RBM47: variants seen among roughly 807,000 people sequenced by gnomAD.
RBM47 encodes the protein RNA-binding protein 47.
In RBM47, 21 loss-of-function variants were observed where a neutral mutation model predicts 47.1. That is an observed-to-expected ratio of 0.45 (90% CI 0.32 to 0.64). The LOEUF is 0.64. Among genes scored for constraint, RBM47 ranks in the 30% least tolerant of loss-of-function variants. The pLI is 0.05. For missense variants in RBM47, 708 were observed against 870.9 expected (o/e 0.81, Z 2.35); for synonymous variants, 375 against 361.7 (o/e 1.04, Z -0.42).
intron 1 of RBM47, among the ~76,000 whole-genome samples, chr4:40,557,496 C>T (rs952572909): frequency 7.2e-5 from 11 of 152,158 alleles, no homozygotes; most frequent in Non-Finnish European, 1.5e-4. Flanking sequence ...TGCCTGTAAT[C>T]CCAGCGCTTT....
chr4:40,431,671 A>AG (rs11373423), intron 6 of RBM47, among the ~76,000 whole-genome samples: 108,184 of 143,198 alleles, frequency 0.76, 40,966 homozygotes, highest in East Asian at 0.89. Flanking sequence ...AAAAAAAAAA[A>AG]AGAGAGAGAA....
At chr4:40,626,185 A>T (rs1253477931) in intron 1 of RBM47, among the ~76,000 whole-genome samples, 1 of 152,230 alleles carries the variant, frequency 6.6e-6, no homozygotes, top group East Asian at 1.9e-4. Flanking sequence ...CAACCAAAAA[A>T]GATGCTCCTG....
At chr4:40,590,406 A>G (rs1326335982) in intron 1 of RBM47, among the ~76,000 whole-genome samples, 2 of 152,068 alleles carry the variant, frequency 1.3e-5, no homozygotes, top group Non-Finnish European at 2.9e-5. Context: ...AAAAAAAACA[A>G]AAAAACCCCA....
In RBM47 at chr4:40,438,219, C is replaced by G. The variant is rs866383554; in HGVS notation, c.675G>C (p.Gln225His). ...MPGRIQLWGH[Q>H]IAVDWAEPEI... ...CAGGTTCGGCCCAGTCCACGGCGAT[C>G]TGGTGGCCCCACAGCTGGATGCGGC... Residue 225 changes from glutamine to histidine, a missense_variant, in exon 4 of 7, where the codon CAG (glutamine) becomes CAC (histidine). By Grantham distance (24) the Gln-to-His change is conservative. Coordinates refer to ENST00000295971, the MANE Select transcript of RBM47 (RefSeq NM_001098634.2). 1.9e-6 allele frequency: 3 copies of G among 1,605,770 alleles called. No individual in the cohort carries two copies. The highest frequency in any genetic ancestry group is 2.5e-6 in the Non-Finnish European group (3 of 1,179,950).
intron 6 of RBM47, among the ~76,000 whole-genome samples, chr4:40,430,518 C>A (rs958008266): frequency 1.3e-5 from 2 of 152,214 alleles, no homozygotes; most frequent in Admixed American, 1.3e-4. Context: ...CATTTACAAC[C>A]AATTCCTCTT....
intron 1 of RBM47, among the ~76,000 whole-genome samples, chr4:40,602,516 C>A (rs181918753): frequency 6.6e-6 from 1 of 151,758 alleles, no homozygotes; most frequent in African/African-American, 2.4e-5. Context: ...GGCATGGTGG[C>A]GCACGCCTGT....
chr4:40,609,025 C>A (rs117907135), intron 1 of RBM47, among the ~76,000 whole-genome samples: 3,830 of 152,084 alleles, frequency 0.025, 137 homozygotes, highest in East Asian at 0.1. Flanking sequence ...TAGAGTTTCA[C>A]TCTTGTCGCC....
intron 1 of RBM47, among the ~76,000 whole-genome samples, chr4:40,572,798 T>G (rs1731856430): frequency 6.6e-6 from 1 of 151,872 alleles, no homozygotes. Context: ...TTCTTCAATT[T>G]TCCTGTGAGC....
At chr4:40,625,307 G>A (rs1310627905) in intron 1 of RBM47, among the ~76,000 whole-genome samples, 1 of 152,120 alleles carries the variant, frequency 6.6e-6, no homozygotes, top group Non-Finnish European at 1.5e-5. Context: ...AAAAAACCCT[G>A]TCCATTTTGT....
At chr4:40,451,494 G>A (rs530143602) in intron 3 of RBM47, among the ~76,000 whole-genome samples, 1 of 152,302 alleles carries the variant, frequency 6.6e-6, no homozygotes, top group South Asian at 2.1e-4. Flanking sequence ...ATGGACACAT[G>A]AGAACTGCTG....
At chr4:40,465,691 A>C (rs563990778) in intron 3 of RBM47, among the ~76,000 whole-genome samples, 4 of 151,998 alleles carry the variant, frequency 2.6e-5, no homozygotes, top group Non-Finnish European at 5.9e-5. Context: ...AAAAAAAAAA[A>C]AGAGAGATCT....
chr4:40,432,822 T>A lies in RBM47; in HGVS notation c.1371A>T (p.Pro457=), dbSNP rs1711553770. The part of the protein sequence containing the change: ...PAIGAQYSMF[P]AAPAPKMIED... ...CAATCATTTTAGGGGCTGGAGCTGCTGGAAACATGGAATACTGAGCCCCAA... is the reference window on the plus strand; with the variant it reads ...CAATCATTTTAGGGGCTGGAGCTGCAGGAAACATGGAATACTGAGCCCCAA... Residue 457 remains proline (P), a synonymous_variant, in exon 6 of 7, where the codon CCA becomes CCT. Coordinates refer to ENST00000295971, the MANE Select transcript of RBM47 (RefSeq NM_001098634.2). The A allele has an allele frequency of 6.2e-7, 1 of 1,613,546 alleles. No individual in the cohort carries two copies. Among genetic ancestry groups the A allele is most frequent in the Non-Finnish European group, 8.5e-7 (1 of 1,179,952 alleles).
chr4:40,558,694 G>A (rs983976751), intron 1 of RBM47, among the ~76,000 whole-genome samples: 6 of 152,012 alleles, frequency 3.9e-5, no homozygotes, highest in Non-Finnish European at 7.4e-5. Context: ...CAGGTGTGGT[G>A]GTGGACACCT....
In RBM47 at chr4:40,434,703, C is replaced by CAAAA. The variant is rs201921796; in HGVS notation, c.1330+1734_1330+1737dup. Reference sequence around the variant, plus strand: ...AGAAATTGCAGAATTTTTACACAGGCAAAAAAAAAAAAAAAAAAAAAAAAA... The same window carrying CAAAA: ...AGAAATTGCAGAATTTTTACACAGGCAAAAAAAAAAAAAAAAAAAAAAAAAAAAA... On this transcript the variant is annotated intron_variant, in intron 5 of 6. Transcript: ENST00000295971. Among the ~76,000 whole-genome samples the CAAAA allele has an allele frequency of 7.3e-4, 76 of 103,698 alleles. 1 individual carries two copies. The highest frequency in any genetic ancestry group is 5.3e-3 in the Middle Eastern group (1 of 190). 68.0% of individuals were successfully genotyped at this position (103,698 alleles called of 152,430 possible). A position where few individuals can be genotyped will look rare whatever the true frequency, so the allele number is the denominator to read the frequency against.
At chr4:40,477,533 T>C (rs1719794403) in intron 2 of RBM47, among the ~76,000 whole-genome samples, 1 of 152,204 alleles carries the variant, frequency 6.6e-6, no homozygotes. Flanking sequence ...ATAAGAGTAA[T>C]TTAGTATATT....
intron 2 of RBM47, among the ~76,000 whole-genome samples, chr4:40,488,597 C>T (rs1721444252): frequency 6.6e-6 from 1 of 152,166 alleles, no homozygotes; most frequent in Admixed American, 6.5e-5. Flanking sequence ...AGCTTTGCAA[C>T]CGCAAGTGAG....
At chr4:40,442,952 G>A (rs549733849) in intron 3 of RBM47, among the ~76,000 whole-genome samples, 10 of 152,266 alleles carry the variant, frequency 6.6e-5, no homozygotes, top group South Asian at 4.1e-4. Context: ...GGGATTACAC[G>A]TGTGAGCCAC....
chr4:40,538,232 A>G (rs1728165311), intron 2 of RBM47, among the ~76,000 whole-genome samples: 1 of 152,212 alleles, frequency 6.6e-6, no homozygotes, highest in East Asian at 1.9e-4. Flanking sequence ...TCCCTGGCAA[A>G]TCTGGATACA....
chr4:40,459,707 G>A (rs1716821260), intron 3 of RBM47, among the ~76,000 whole-genome samples: 1 of 152,122 alleles, frequency 6.6e-6, no homozygotes, highest in Non-Finnish European at 1.5e-5. Context: ...GAATGAATAG[G>A]CCAGCTTTGG....
Sources: allele counts gnomAD v4.1 joint callset (sites outside exome capture counted in the v4.1 genomes callset), GRCh38; gene constraint gnomAD v4.1.1; transcripts MANE v1.5; gene names NCBI Gene and HGNC (gene_info 2026-07-23, HGNC 2026-07-21).